Variants in PPEF1 observed in about 807,000 individuals in gnomAD.
The protein encoded by PPEF1 is protein phosphatase with EF-hand domain 1.
PPEF1 carries 12 observed loss-of-function variants against 53.3 expected under a neutral mutation model. The observed-to-expected ratio is 0.23, with a 90% CI of 0.14 to 0.36. The LOEUF (loss-of-function observed/expected upper bound fraction) is 0.36, where lower values mean the gene tolerates loss of function less well. Among genes scored for constraint, PPEF1 ranks in the 10% least tolerant of loss-of-function variants. PPEF1 has a pLI of 1.00. For synonymous variants in PPEF1, 165 were observed against 176.7 expected, an observed-to-expected ratio of 0.93 and a Z score of 0.52; for missense variants, 334 against 490.4, an observed-to-expected ratio of 0.68 and a Z score of 3.01.
intron 7 of PPEF1, 76 bp from the exon 8 acceptor site, chrX:18,782,290 G>T: frequency 1.2e-6 from 1 of 850,165 alleles, no homozygotes; most frequent in South Asian, 2.2e-5. Flanking sequence ...GAGATGCCAA[G>T]GGCTTCCCTT....
intron 2 of PPEF1, 39 bp downstream of exon 2, chrX:18,730,347 A>G (rs765261559): frequency 1.7e-6 from 2 of 1,187,246 alleles, no homozygotes; most frequent in South Asian, 3.7e-5. Context: ...TGATAAAATG[A>G]TTCTCTTTAC....
At chrX:18,697,853 A>T (rs1469097814) in exon 5 of PPEF1, 1 of 110,811 alleles carries the variant, frequency 9.0e-6, no homozygotes, top group African/African-American at 3.3e-5. Context: ...AGGCTGGGAG[A>T]ACACATCCCT....
rs147389547 is a variant in PPEF1 at position 18,707,679 on chromosome X, C to T, written c.-102C>T. 2.8e-4 allele frequency: 195 copies of T among 704,110 alleles called. No homozygotes were observed. The highest frequency in any genetic ancestry group is 4.0e-4 in the African/African-American group (19 of 46,980). 58.0% of individuals were successfully genotyped at this position (704,110 alleles called of 1,213,427 possible). On this transcript the variant is annotated 5_prime_UTR_variant, in exon 1 of 16. Transcript: ENST00000470157. Reference sequence around the variant, plus strand: ...ATTAGAATCTATGACTGAAGAGGATCGGCTAAGAGTGGTTCCTCGCAGCTT... The same window carrying T: ...ATTAGAATCTATGACTGAAGAGGATTGGCTAAGAGTGGTTCCTCGCAGCTT...
At chrX:18,711,059 CATATATATAT>C (rs2044313748) in intron 1 of PPEF1, among the ~76,000 whole-genome samples, 2 of 89,787 alleles carry the variant, frequency 2.2e-5, no homozygotes, top group Non-Finnish European at 4.3e-5. Context: ...TATGTGTGTG[CATATATATAT>C]GTATATATAT....
Position 18,827,505 on chromosome X carries a change from C to T in PPEF1, c.*18C>T, listed in dbSNP as rs757367926. The T allele has an allele frequency of 4.3e-6, 5 of 1,160,256 alleles. No homozygotes were observed. In the African/African-American group the frequency reaches 7.1e-5, roughly 17 times the overall value. Reference sequence around the variant, plus strand: ...TTGGCTAAACACAAATGAGAGCTTCCCTCAGGCTCCCTGAAACAGCTAGGC... The same window carrying T: ...TTGGCTAAACACAAATGAGAGCTTCTCTCAGGCTCCCTGAAACAGCTAGGC... On this transcript the variant is annotated 3_prime_UTR_variant, in exon 16 of 16. Coordinates refer to ENST00000470157, the MANE Select transcript of PPEF1 (RefSeq NM_001377996.1).
chrX:18,741,844 C>T (rs751634591), intron 3 of PPEF1, among the ~76,000 whole-genome samples: 2 of 103,146 alleles, frequency 1.9e-5, no homozygotes, highest in African/African-American at 3.6e-5. Context: ...TGCTCTGTCA[C>T]CCAGGCTGAA....
At chrX:18,778,199 G>A (rs774276959) in intron 6 of PPEF1, among the ~76,000 whole-genome samples, 4 of 111,390 alleles carry the variant, frequency 3.6e-5, no homozygotes, top group Non-Finnish European at 5.6e-5. Context: ...ACATGACATC[G>A]AGAAAATGTA....
At chrX:18,757,805 C>T in intron 5 of PPEF1, 64 bp downstream of exon 5, 5 of 843,220 alleles carry the variant, frequency 5.9e-6, no homozygotes, top group Non-Finnish European at 7.0e-6. Context: ...CATCGTTTGC[C>T]TAACTTGAAA....
At chrX:18,762,141 G>A (rs2045679868) in intron 6 of PPEF1, among the ~76,000 whole-genome samples, 3 of 111,638 alleles carry the variant, frequency 2.7e-5, no homozygotes, top group Non-Finnish European at 5.6e-5. Context: ...GGCCAGCATG[G>A]ATTTTCTCTG....
chrX:18,738,911 A>G (rs1356615433), intron 3 of PPEF1, among the ~76,000 whole-genome samples: 2 of 111,856 alleles, frequency 1.8e-5, no homozygotes, highest in Non-Finnish European at 3.8e-5. Flanking sequence ...CTTCCACTTG[A>G]TCAAATCAGC....
At position 18,782,384 on chromosome X, in the gene PPEF1, A is replaced by C; in HGVS notation, c.744A>C (p.Glu248Asp). The C allele has an allele frequency of 1.7e-6, 2 of 1,156,461 alleles. No individual in the cohort carries two copies. Among genetic ancestry groups the C allele is most frequent in the Non-Finnish European group, 2.3e-6 (2 of 858,817 alleles). The part of the protein sequence containing the change: ...MMNLRYGFTK[E>D]ILHKYKLHGK... ...TTTTTAGGTATGGCTTCACGAAAGA[A>C]ATTTTGCATAAATATAAGGTAAGAC... The change falls in exon 8 of 16, where the codon GAA becomes GAC. Residue 248 changes from glutamate to aspartate, a missense_variant. Coordinates refer to ENST00000470157, the MANE Select transcript of PPEF1 (RefSeq NM_001377996.1).
In PPEF1 at chrX:18,749,880, T is replaced by C. The variant is rs2045409216; in HGVS notation, c.324T>C (p.Asn108=). 8.3e-7 allele frequency: 1 copy of C among 1,199,264 alleles called. No individual in the cohort carries two copies. The highest frequency in any genetic ancestry group is 1.1e-6 in the Non-Finnish European group (1 of 886,864). Residue 108 remains asparagine, a synonymous_variant, in exon 4 of 16, where the codon AAT becomes AAC. Transcript: ENST00000470157. ...VDSIDVPDSY[N]GPRLQFPLTC... is the part of the protein sequence containing the mutation. ...CGATAGATGTCCCAGACTCCTATAA[T>C]GGTCCTCGGCTACAATTTCCTCTCA...
chrX:18,730,638 G>A (rs1013727683), intron 2 of PPEF1, among the ~76,000 whole-genome samples: 1 of 111,346 alleles, frequency 9.0e-6, no homozygotes, highest in Admixed American at 9.6e-5. Context: ...ACTTCAAGGG[G>A]TTAAAAAATG....
intron 3 of PPEF1, among the ~76,000 whole-genome samples, chrX:18,737,184 G>A (rs1357898579): frequency 1.8e-5 from 2 of 111,422 alleles, no homozygotes; most frequent in African/African-American, 6.5e-5. Context: ...GAATATGTTT[G>A]CTCTTGCTTC....
At chrX:18,739,798 C>G (rs185630245) in intron 3 of PPEF1, among the ~76,000 whole-genome samples, 1 of 112,454 alleles carries the variant, frequency 8.9e-6, no homozygotes, top group Non-Finnish European at 1.9e-5. Flanking sequence ...TCAAGCTTCC[C>G]GGCTGCTTTG....
chrX:18,689,861 T>G (rs1383434202), intron 3 of PPEF1, among the ~76,000 whole-genome samples: 4 of 111,300 alleles, frequency 3.6e-5, no homozygotes, highest in Non-Finnish European at 7.5e-5. Flanking sequence ...CTCCCAATCC[T>G]AGTCTCCAGT....
chrX:18,821,769 GAGAGAGAGAGA>G (rs2047055462), intron 13 of PPEF1, among the ~76,000 whole-genome samples: 2 of 13,080 alleles, frequency 1.5e-4, no homozygotes, highest in Admixed American at 6.6e-4. Flanking sequence ...GAGAGAGAGA[GAGAGAGAGAGA>G]GAGAGAGAGA....
chrX:18,691,763 A>G (rs1929400345), intron 4 of PPEF1, among the ~76,000 whole-genome samples: 1 of 112,244 alleles, frequency 8.9e-6, no homozygotes, highest in Non-Finnish European at 1.9e-5. Context: ...AATTAGAAGC[A>G]GTTCTGATAA....
intron 10 of PPEF1, among the ~76,000 whole-genome samples, chrX:18,789,584 TCCCTTCTGTAGCCACCCTGTG>T (rs1265455506): frequency 8.9e-6 from 1 of 111,941 alleles, no homozygotes; most frequent in Non-Finnish European, 1.9e-5. Flanking sequence ...CATTCCCCAT[TCCCTTCTGTAGCCACCCTGTG>T]CCACCTAACA....
Sources: allele counts gnomAD v4.1 joint callset (sites outside exome capture counted in the v4.1 genomes callset), GRCh38; gene constraint gnomAD v4.1.1; transcripts MANE v1.5; gene names NCBI Gene and HGNC (gene_info 2026-07-23, HGNC 2026-07-21).